The following NT5DC3 variants were observed in gnomAD, a reference collection of about 807,000 sequenced individuals.
The protein encoded by NT5DC3 is 5'-nucleotidase domain-containing protein 3.
A neutral mutation model predicts 67.8 loss-of-function variants in NT5DC3; 42 were observed. The ratio of observed to expected loss-of-function variants is 0.62; its 90% CI spans 0.48 to 0.80. The LOEUF (loss-of-function observed/expected upper bound fraction) is 0.80. Among genes scored for constraint, NT5DC3 ranks in the 30% least tolerant of loss-of-function variants. NT5DC3 has a pLI of 0.00. For synonymous variants in NT5DC3, 237 were observed against 255.6 expected (o/e 0.93, Z 0.69); for missense variants, 570 against 696.4 (o/e 0.82, Z 2.04).
the NT5DC3 span, among the ~76,000 whole-genome samples, chr12:103,749,841 C>CAAAA: frequency 1.9e-3 from 95 of 51,156 alleles, 11 homozygotes; most frequent in Admixed American, 2.3e-3. Context: ...CTCTGTCTCA[C>CAAAA]AAAAAAAAAA....
At position 103,814,900 on chromosome 12, in the gene NT5DC3, G is replaced by A. The variant is rs765216272; in HGVS notation, c.393+37C>T. ...GCTCAAGGCTGTTCTAAGAGGAAAAGGGGAGGGAGAAGCCTGAAATGTCCC... is the reference window on the plus strand; with the variant it reads ...GCTCAAGGCTGTTCTAAGAGGAAAAAGGGAGGGAGAAGCCTGAAATGTCCC... On this transcript the variant is annotated intron_variant, in intron 2 of 13. Coordinates refer to ENST00000392876, the MANE Select transcript of NT5DC3 (RefSeq NM_001031701.3). 9.2e-6 allele frequency: 14 copies of A among 1,527,618 alleles called. No individual in the cohort carries two copies. In the South Asian group the frequency reaches 1.6e-4, roughly 18 times the overall value. 94.6% of individuals were successfully genotyped at this position (1,527,618 alleles called of 1,614,324 possible).
chr12:103,767,734 G>C (rs1391997564), downstream of NT5DC3, among the ~76,000 whole-genome samples: 5 of 151,944 alleles, frequency 3.3e-5, no homozygotes, highest in East Asian at 7.7e-4. Context: ...CCTTCCTTCA[G>C]AAGGCAAAGG....
At chr12:103,758,728 C>T in the NT5DC3 span, among the ~76,000 whole-genome samples, 1 of 152,242 alleles carries the variant, frequency 6.6e-6, no homozygotes, top group African/African-American at 2.4e-5. Flanking sequence ...ACCAGGGCCA[C>T]TGATGCAATC....
downstream of NT5DC3, chr12:103,766,282 C>G: frequency 6.2e-7 from 1 of 1,614,084 alleles, no homozygotes; most frequent in African/African-American, 1.3e-5. Flanking sequence ...CCTCTCTTTT[C>G]CAGGACTCTG....
At chr12:103,828,680 C>T (rs1344254701) in intron 1 of NT5DC3, among the ~76,000 whole-genome samples, 1 of 151,446 alleles carries the variant, frequency 6.6e-6, no homozygotes, top group Non-Finnish European at 1.5e-5. Flanking sequence ...TTACCACTCT[C>T]CTGCATTTTT....
rs1459812076 is a variant in NT5DC3 at position 103,794,142 on chromosome 12, TTTC to T, written c.754-148_754-146del. ...ACACAAAATCTAAATTCTGGTCCATTTTCTTCTTCTTTTTTTTTTTTTTTTGAG... is the reference window on the plus strand; with the variant it reads ...ACACAAAATCTAAATTCTGGTCCATTTTCTTCTTTTTTTTTTTTTTTTGAG... On this transcript the variant is annotated intron_variant, in intron 6 of 13. Coordinates refer to ENST00000392876, the MANE Select transcript of NT5DC3 (RefSeq NM_001031701.3). 9.7e-4 allele frequency: 585 copies of T among 601,886 alleles called. 1 individual carries two copies. Among genetic ancestry groups the T allele is most frequent in the East Asian group, 2.6e-3 (86 of 32,574 alleles). 37.3% of individuals were successfully genotyped at this position (601,886 alleles called of 1,614,324 possible).
At chr12:103,771,718 C>T (rs191854147), downstream of NT5DC3, among the ~76,000 whole-genome samples, 15 of 152,276 alleles carry the variant, frequency 9.9e-5, no homozygotes, top group Middle Eastern at 3.4e-3. Context: ...CCTTCACTGC[C>T]CAAATAACTG....
chr12:103,832,925 C>T (rs1887993652), intron 1 of NT5DC3, among the ~76,000 whole-genome samples: 2 of 152,162 alleles, frequency 1.3e-5, no homozygotes, highest in East Asian at 1.9e-4. Context: ...TGTAATACTG[C>T]AAATGTGTCT....
At chr12:103,839,242 T>C (rs1888278244) in intron 1 of NT5DC3, among the ~76,000 whole-genome samples, 1 of 152,182 alleles carries the variant, frequency 6.6e-6, no homozygotes, top group South Asian at 2.1e-4. Context: ...TCTCCCTCTA[T>C]TAGTCCTTTT....
At chr12:103,782,868 C>A (rs1200366578) in intron 12 of NT5DC3, among the ~76,000 whole-genome samples, 1 of 152,128 alleles carries the variant, frequency 6.6e-6, no homozygotes, top group Non-Finnish European at 1.5e-5. Context: ...AGCCTGTAGT[C>A]CCAGCTACTT....
chr12:103,813,667 G>T (rs1038205895), intron 2 of NT5DC3, among the ~76,000 whole-genome samples: 4 of 152,118 alleles, frequency 2.6e-5, no homozygotes, highest in Admixed American at 6.6e-5. Context: ...ACCCCACCTG[G>T]GGTAACATCT....
At chr12:103,810,222 G>A (rs143389009) in intron 2 of NT5DC3, among the ~76,000 whole-genome samples, 483 of 152,292 alleles carry the variant, frequency 3.2e-3, no homozygotes, top group African/African-American at 0.011. Flanking sequence ...TGACTAGGGT[G>A]ATTTCTGTGC....
Position 103,793,217 on chromosome 12 carries a change from G to T in NT5DC3, c.966C>A (p.Phe322Leu). The change falls in exon 9 of 14, where the codon TTC becomes TTA. Residue 322 changes from phenylalanine to leucine, a missense_variant. This residue lies in a region of NT5DC3 where 466 missense variants were observed against 608.0 expected (regional missense o/e 0.77). Coordinates refer to ENST00000392876, the MANE Select transcript of NT5DC3 (RefSeq NM_001031701.3). ...TCTCAGCCTGAACAATGACCACATCGAACAGGTCCCTCCAGTCTTTCCCAA... is the reference window on the plus strand; with the variant it reads ...TCTCAGCCTGAACAATGACCACATCTAACAGGTCCCTCCAGTCTTTCCCAA... ...YIVGKDWRDL[F>L]DVVIVQAEKP... 1 of 1,608,982 alleles carries T rather than the reference G, an allele frequency of 6.2e-7. No individual in the cohort carries two copies. Among genetic ancestry groups the T allele is most frequent in the South Asian group, 1.1e-5 (1 of 89,704 alleles).
intron 1 of NT5DC3, among the ~76,000 whole-genome samples, chr12:103,838,953 A>G (rs1284520078): frequency 6.6e-6 from 1 of 152,196 alleles, no homozygotes; most frequent in Admixed American, 6.5e-5. Context: ...ATTGGGGACA[A>G]GGGAGAACAT....
chr12:103,783,412 C>A (rs1254318715), intron 12 of NT5DC3, among the ~76,000 whole-genome samples: 2 of 152,102 alleles, frequency 1.3e-5, no homozygotes, highest in South Asian at 2.1e-4. Flanking sequence ...ATCTCCTCTG[C>A]GCCTCAGGGT....
chr12:103,834,864 AAAGT>A (rs1487600899), intron 1 of NT5DC3, among the ~76,000 whole-genome samples: 10 of 152,176 alleles, frequency 6.6e-5, no homozygotes, highest in Non-Finnish European at 1.5e-4. Context: ...GGCCAGAAAG[AAAGT>A]AAGAAAATAA....
chr12:103,778,669 G>C (rs1008089531), intron 13 of NT5DC3, among the ~76,000 whole-genome samples: 60 of 152,294 alleles, frequency 3.9e-4, no homozygotes, highest in African/African-American at 1.4e-3. Flanking sequence ...GACCAGGCAT[G>C]GTGGCATATG....
intron 6 of NT5DC3, among the ~76,000 whole-genome samples, chr12:103,796,425 G>C (rs1394340595): frequency 6.6e-6 from 1 of 152,200 alleles, no homozygotes; most frequent in East Asian, 1.9e-4. Flanking sequence ...GCTGAGGCAG[G>C]AGAATCACTT....
intron 6 of NT5DC3, among the ~76,000 whole-genome samples, chr12:103,795,032 G>A (rs1886252419): frequency 6.6e-6 from 1 of 152,246 alleles, no homozygotes; most frequent in African/African-American, 2.4e-5. Context: ...GCCTTAGACT[G>A]TTGCTGGGAG....
Sources: gnomAD v4.1 joint callset for allele counts (sites outside exome capture counted in the v4.1 genomes callset) on GRCh38, gnomAD v4.1.1 for gene constraint, gnomAD v4.1.1 regional missense constraint, MANE v1.5 for transcripts, NCBI Gene and HGNC (gene_info 2026-07-23, HGNC 2026-07-21) for gene names.